Variants in COL14A1 observed in about 807,000 individuals in gnomAD.
COL14A1 encodes collagen type XIV alpha 1 chain.
In COL14A1, 136 loss-of-function variants were observed where a neutral mutation model predicts 230.3. That is an observed-to-expected ratio of 0.59 (90% CI 0.51 to 0.68). The LOEUF is 0.68. Ranked by LOEUF, COL14A1 falls within the 30% of genes least tolerant of loss-of-function variation. The probability of loss-of-function intolerance (pLI) is 0.00; values close to 1 mark genes in which losing one functional copy is unlikely to be tolerated. For missense variants in COL14A1, 1,976 were observed against 2,215.8 expected, an observed-to-expected ratio of 0.89 and a Z score of 2.17; for synonymous variants, 792 against 784.1, an observed-to-expected ratio of 1.01 and a Z score of -0.17.
At chr8:120,130,331 T>G (rs981841667) in intron 1 of COL14A1, among the ~76,000 whole-genome samples, 1 of 152,222 alleles carries the variant, frequency 6.6e-6, no homozygotes. Context: ...CTAGGCAACA[T>G]TGGCCCACAT....
At chr8:120,270,768 C>A (rs751515857) in intron 26 of COL14A1, among the ~76,000 whole-genome samples, 1 of 151,656 alleles carries the variant, frequency 6.6e-6, no homozygotes, top group African/African-American at 2.4e-5. Flanking sequence ...ACTTACACAT[C>A]GTTGGCAGAA....
At chr8:120,282,333 A>T (rs1434629367) in intron 31 of COL14A1, among the ~76,000 whole-genome samples, 2 of 152,106 alleles carry the variant, frequency 1.3e-5, no homozygotes, top group African/African-American at 4.8e-5. Flanking sequence ...GCTCACTCAG[A>T]CTCGCACGCT....
In COL14A1 at chr8:120,173,310, T is replaced by G. The variant is rs145502532; in HGVS notation, c.436+5063T>G. Among the ~76,000 whole-genome samples the G allele has an allele frequency of 2.9e-3, 438 of 152,318 alleles. 2 individuals are homozygous for G. The highest frequency in any genetic ancestry group is 9.8e-3 in the African/African-American group (409 of 41,582). ...TATTTCATGCTGTCTCTTATGTCTT[T>G]TAAATATGTTCCCATCATCCCTTAA... On this transcript the variant is annotated intron_variant, in intron 5 of 47. Transcript: ENST00000297848.
intron 1 of COL14A1, among the ~76,000 whole-genome samples, chr8:120,133,533 T>C (rs1454173615): frequency 1.3e-5 from 2 of 152,136 alleles, no homozygotes; most frequent in Non-Finnish European, 2.9e-5. Context: ...GAGAAAAAAG[T>C]TAGAGGATAT....
chr8:120,261,619 G>C (rs989668282), intron 23 of COL14A1, among the ~76,000 whole-genome samples: 27 of 152,168 alleles, frequency 1.8e-4, no homozygotes, highest in Non-Finnish European at 1.3e-4. Flanking sequence ...CCAATAGTTA[G>C]TCAGGTCTCC....
At chr8:120,356,605 A>G (rs559988985) in intron 45 of COL14A1, among the ~76,000 whole-genome samples, 1 of 152,170 alleles carries the variant, frequency 6.6e-6, no homozygotes, top group East Asian at 1.9e-4. Flanking sequence ...TAAGCAAACA[A>G]CATATCAATC....
rs780439031 is a variant in COL14A1, at chr8:120,313,955, A to C, written c.4479A>C (p.Glu1493Asp). Residue 1493 changes from glutamate (E) to aspartate (D), a missense_variant, in exon 38 of 48, where the codon GAA (glutamate) becomes GAC (aspartate). Coordinates refer to ENST00000297848, the MANE Select transcript of COL14A1 (RefSeq NM_021110.4). ...GPKGPDGPRG[E>D]IGLPGPQGPP... Reference sequence around the variant, plus strand: ...AGGGACCAGATGGCCCTCGGGGTGAAATTGGTCTGCCAGGACCTCAGGGTC... The same window carrying C: ...AGGGACCAGATGGCCCTCGGGGTGACATTGGTCTGCCAGGACCTCAGGGTC... 1 of 1,612,384 alleles carries C rather than the reference A, an allele frequency of 6.2e-7. No homozygotes were observed. The highest frequency in any genetic ancestry group is 1.7e-5 in the Admixed American group (1 of 59,784).
chr8:120,177,715 T>C (rs1002208032), intron 5 of COL14A1, among the ~76,000 whole-genome samples: 5 of 139,548 alleles, frequency 3.6e-5, no homozygotes, highest in Non-Finnish European at 7.7e-5. Context: ...TATATATACA[T>C]ACACACTATA....
intron 45 of COL14A1, among the ~76,000 whole-genome samples, chr8:120,354,140 A>G (rs1485080935): frequency 3.6e-5 from 4 of 112,462 alleles, no homozygotes; most frequent in East Asian, 2.5e-4. Flanking sequence ...CTATCACAAG[A>G]ACAAAAAACC....
At chr8:120,139,214 T>A (rs2040441802) in intron 1 of COL14A1, among the ~76,000 whole-genome samples, 1 of 152,244 alleles carries the variant, frequency 6.6e-6, no homozygotes, top group Admixed American at 6.5e-5. Flanking sequence ...AAACTTCTGT[T>A]ATGTGTCTCT....
At chr8:120,308,575 G>A (rs974085469) in intron 36 of COL14A1, among the ~76,000 whole-genome samples, 5 of 152,142 alleles carry the variant, frequency 3.3e-5, no homozygotes, top group African/African-American at 7.2e-5. Context: ...ATAAAATTAC[G>A]TTTTATAATT....
chr8:120,311,014 T>C (rs1489723039), intron 37 of COL14A1, among the ~76,000 whole-genome samples: 1 of 152,128 alleles, frequency 6.6e-6, no homozygotes, highest in Non-Finnish European at 1.5e-5. Flanking sequence ...GAGGAGAACA[T>C]TGCAAGGTTT....
chr8:120,303,404 G>T (rs1182000373), intron 36 of COL14A1, among the ~76,000 whole-genome samples: 3 of 152,058 alleles, frequency 2.0e-5, no homozygotes, highest in African/African-American at 7.2e-5. Flanking sequence ...TTATTTTAAG[G>T]TATGTTCCTT....
At chr8:120,170,765 A>G (rs1816070796) in intron 5 of COL14A1, among the ~76,000 whole-genome samples, 1 of 151,988 alleles carries the variant, frequency 6.6e-6, no homozygotes, top group Non-Finnish European at 1.5e-5. Context: ...TATTCTTAGT[A>G]ATTCAATATT....
At chr8:120,341,440 T>C (rs1822295285) in intron 43 of COL14A1, 80 bp downstream of exon 43, 18 of 1,408,060 alleles carry the variant, frequency 1.3e-5, no homozygotes, top group Non-Finnish European at 1.8e-5. Flanking sequence ...AGGATCATCA[T>C]TTAATACCAT....
At chr8:120,283,167 G>A (rs1820091029) in intron 31 of COL14A1, among the ~76,000 whole-genome samples, 1 of 152,174 alleles carries the variant, frequency 6.6e-6, no homozygotes, top group Non-Finnish European at 1.5e-5. Context: ...ATTTTGGAAG[G>A]TGGATCTGGA....
chr8:120,155,077 G>A (rs1815421997), intron 2 of COL14A1, among the ~76,000 whole-genome samples: 1 of 152,148 alleles, frequency 6.6e-6, no homozygotes, highest in Non-Finnish European at 1.5e-5. Context: ...TAAAGAAAAT[G>A]TGTATGTTAT....
intron 4 of COL14A1, among the ~76,000 whole-genome samples, chr8:120,163,077 A>C (rs1481427305): frequency 6.6e-6 from 1 of 152,230 alleles, no homozygotes; most frequent in Non-Finnish European, 1.5e-5. Flanking sequence ...CCTCTGTAGG[A>C]TCCCCAGAAG....
chr8:120,288,963 A>G (rs918542812), intron 33 of COL14A1, among the ~76,000 whole-genome samples: 3 of 152,120 alleles, frequency 2.0e-5, no homozygotes, highest in South Asian at 2.1e-4. Context: ...TTTGACTATC[A>G]CCTAAATAAG....
Sources: allele counts gnomAD v4.1 joint callset (sites outside exome capture counted in the v4.1 genomes callset), GRCh38; gene constraint gnomAD v4.1.1; transcripts MANE v1.5; gene names NCBI Gene and HGNC (gene_info 2026-07-23, HGNC 2026-07-21).